Variants in MACROD2 observed in about 807,000 individuals in gnomAD.
MACROD2 encodes mono-ADP ribosylhydrolase 2, also known as ADP-ribose glycohydrolase MACROD2.
A neutral mutation model predicts 70.4 loss-of-function variants in MACROD2; 36 were observed. That is an observed-to-expected ratio of 0.51 (90% confidence interval 0.39 to 0.68). The LOEUF (loss-of-function observed/expected upper bound fraction) is 0.68, where lower values mean the gene tolerates loss of function less well. Ranked by LOEUF, MACROD2 falls within the 30% of genes least tolerant of loss-of-function variation. The pLI is 0.00. For missense variants in MACROD2, 496 were observed against 538.4 expected, an observed-to-expected ratio of 0.92 and a Z score of 0.78; for synonymous variants, 172 against 178.8, an observed-to-expected ratio of 0.96 and a Z score of 0.30.
At chr20:15,715,180 A>G (rs553844411) in intron 8 of MACROD2, among the ~76,000 whole-genome samples, 2 of 152,230 alleles carry the variant, frequency 1.3e-5, no homozygotes, top group African/African-American at 4.8e-5. Context: ...TTTTATAATG[A>G]TGAGAAAACC....
At chr20:15,793,203 G>A (rs889258550) in intron 8 of MACROD2, among the ~76,000 whole-genome samples, 1 of 152,116 alleles carries the variant, frequency 6.6e-6, no homozygotes, top group African/African-American at 2.4e-5. Flanking sequence ...TTGCCTTTGT[G>A]TAGAATACTT....
chr20:14,547,929 A>G (rs1978377254), intron 4 of MACROD2, among the ~76,000 whole-genome samples: 1 of 152,146 alleles, frequency 6.6e-6, no homozygotes, highest in Non-Finnish European at 1.5e-5. Context: ...GCTGGGCTCC[A>G]AGATGGGGGA....
At chr20:14,731,546 C>T (rs2071597229) in intron 5 of MACROD2, among the ~76,000 whole-genome samples, 1 of 152,206 alleles carries the variant, frequency 6.6e-6, no homozygotes, top group East Asian at 1.9e-4. Context: ...TTGTTATTTG[C>T]TAGGTAGGAG....
chr20:15,234,529 G>C (rs998068954), intron 6 of MACROD2, among the ~76,000 whole-genome samples: 2 of 151,924 alleles, frequency 1.3e-5, no homozygotes, highest in Non-Finnish European at 2.9e-5. Flanking sequence ...TGTCAAAAAA[G>C]AAAAAAGACC....
intron 8 of MACROD2, among the ~76,000 whole-genome samples, chr20:15,842,656 G>T (rs1029115134): frequency 1.1e-4 from 17 of 151,708 alleles, no homozygotes; most frequent in African/African-American, 4.1e-4. Flanking sequence ...CATTTTTGAT[G>T]CTTGGATTAG....
intron 5 of MACROD2, among the ~76,000 whole-genome samples, chr20:14,913,702 T>TA (rs924770283): frequency 2.0e-5 from 3 of 152,088 alleles, no homozygotes; most frequent in Non-Finnish European, 4.4e-5. Flanking sequence ...ATTTTTTAAT[T>TA]AAAAAAATTC....
chr20:15,083,176 C>T (rs1568564484), intron 5 of MACROD2, among the ~76,000 whole-genome samples: 1 of 152,186 alleles, frequency 6.6e-6, no homozygotes, highest in Non-Finnish European at 1.5e-5. Context: ...TCCCTCTCCA[C>T]ACCTAATTGT....
intron 8 of MACROD2, among the ~76,000 whole-genome samples, chr20:15,728,373 G>A (rs2050895406): frequency 1.3e-5 from 2 of 152,134 alleles, no homozygotes; most frequent in African/African-American, 2.4e-5. Flanking sequence ...TTTTTCAGTT[G>A]TGTCTCTGCT....
At position 15,694,823 on chromosome 20, in the gene MACROD2, T is replaced by C. The variant is rs1490072878; in HGVS notation, c.646-167922T>C. On this transcript the variant is annotated intron_variant, in intron 8 of 17. Coordinates refer to ENST00000684519, the MANE Select transcript of MACROD2 (RefSeq NM_001351661.2). Reference sequence around the variant, plus strand: ...AATGTCTAGAAGAGTTTTTCCAATGTTACCTTCTAGAATTTTTATAGTTTC... The same window carrying C: ...AATGTCTAGAAGAGTTTTTCCAATGCTACCTTCTAGAATTTTTATAGTTTC... 2.6e-5 allele frequency among the ~76,000 whole-genome samples: 4 copies of C among 152,236 alleles called. No individual in the cohort carries two copies. The East Asian group carries it at 7.7e-4, about 29-fold the overall frequency.
intron 4 of MACROD2, among the ~76,000 whole-genome samples, chr20:14,539,200 A>C (rs969238180): frequency 1.3e-5 from 2 of 152,230 alleles, no homozygotes; most frequent in Admixed American, 6.5e-5. Context: ...TTTGAGCTAC[A>C]AACATTTTTC....
intron 4 of MACROD2, among the ~76,000 whole-genome samples, chr20:14,609,794 A>C (rs1983042371): frequency 6.6e-6 from 1 of 152,154 alleles, no homozygotes; most frequent in African/African-American, 2.4e-5. Flanking sequence ...ACTCATGAAG[A>C]TAACAGGACT....
chr20:15,637,513 A>T (rs1480811675), intron 8 of MACROD2, among the ~76,000 whole-genome samples: 1 of 152,218 alleles, frequency 6.6e-6, no homozygotes, highest in African/African-American at 2.4e-5. Flanking sequence ...GGGTTGTTTC[A>T]GACTGGCTTT....
chr20:15,948,982 A>G (rs2065867772), intron 12 of MACROD2, among the ~76,000 whole-genome samples: 1 of 152,218 alleles, frequency 6.6e-6, no homozygotes, highest in African/African-American at 2.4e-5. Flanking sequence ...ATTTACATCC[A>G]AATAGGTCCA....
chr20:14,932,061 G>C (rs1454234351), intron 5 of MACROD2, among the ~76,000 whole-genome samples: 1 of 151,046 alleles, frequency 6.6e-6, no homozygotes, highest in East Asian at 1.9e-4. Flanking sequence ...TAATAATCTA[G>C]GGCTTTACCT....
chr20:15,139,371 C>T (rs771356093), intron 5 of MACROD2, among the ~76,000 whole-genome samples: 1 of 151,906 alleles, frequency 6.6e-6, no homozygotes, highest in Non-Finnish European at 1.5e-5. Context: ...TTTTCCTTAG[C>T]TATGTTTTAT....
rs185855690 is a variant in MACROD2 at position 15,031,514 on chromosome 20, T to C, written c.419-198426T>C. On this transcript the variant is annotated intron_variant, in intron 5 of 17. Transcript: ENST00000684519. The stretch of plus-strand genomic sequence containing the variant: ...CAGCTCTCAGGAAACCCATAGTGGG[T>C]AGCACCTTTCCTCAGGCAGGTCGTC... Among the ~76,000 whole-genome samples, 297 of 152,218 alleles carry C rather than the reference T, an allele frequency of 2.0e-3. 2 individuals carry two copies. The highest frequency in any genetic ancestry group is 7.1e-3 in the African/African-American group (295 of 41,564).
chr20:14,869,932 C>T (rs565559186), intron 5 of MACROD2, among the ~76,000 whole-genome samples: 1 of 152,192 alleles, frequency 6.6e-6, no homozygotes, highest in South Asian at 2.1e-4. Flanking sequence ...GGAACCAGGG[C>T]TCATGGAGGC....
At chr20:15,382,047 C>T (rs555574547) in intron 6 of MACROD2, among the ~76,000 whole-genome samples, 4 of 152,242 alleles carry the variant, frequency 2.6e-5, no homozygotes, top group East Asian at 1.9e-4. Context: ...AGCTTTGAAC[C>T]GCTGAAAGAG....
chr20:14,919,705 CTT>C, intron 5 of MACROD2, among the ~76,000 whole-genome samples: 1 of 152,314 alleles, frequency 6.6e-6, no homozygotes, highest in Non-Finnish European at 1.5e-5. Context: ...TCTTTAGACT[CTT>C]TGTCAGTCTT....
Sources: gnomAD v4.1 joint callset for allele counts (sites outside exome capture counted in the v4.1 genomes callset) on GRCh38, gnomAD v4.1.1 for gene constraint, MANE v1.5 for transcripts, NCBI Gene and HGNC (gene_info 2026-07-23, HGNC 2026-07-21) for gene names.